The following CELF4 variants were observed in gnomAD, a reference collection of about 807,000 sequenced individuals.
CELF4 encodes the protein CUG-BP- and ETR-3-like factor 4.
Under a neutral mutation model 59.9 loss-of-function variants are expected in CELF4, and 18 were observed. The observed-to-expected ratio is 0.30, with a 90% CI of 0.21 to 0.45. The LOEUF is 0.45. CELF4 is among the 20% of genes least tolerant of loss of function. The probability of loss-of-function intolerance (pLI) is 1.00; values close to 1 mark genes in which losing one functional copy is unlikely to be tolerated. For missense variants in CELF4, 456 were observed against 689.0 expected (o/e 0.66, Z 3.79); for synonymous variants, 261 against 267.1 (o/e 0.98, Z 0.22).
chr18:37,560,277 T>C (rs2099986151), intron 1 of CELF4, among the ~76,000 whole-genome samples: 2 of 152,230 alleles, frequency 1.3e-5, no homozygotes, highest in Non-Finnish European at 2.9e-5. Context: ...AATTTATCTC[T>C]GTGTTTGTTG....
intron 2 of CELF4, among the ~76,000 whole-genome samples, chr18:37,343,478 A>G (rs1377788937): frequency 6.6e-6 from 1 of 151,926 alleles, no homozygotes; most frequent in East Asian, 1.9e-4. Context: ...CAGCCACCAG[A>G]TGGCAGCCGG....
At chr18:37,259,029 A>G in intron 11 of CELF4, 152 bp downstream of exon 11, 2 of 1,175,444 alleles carry the variant, frequency 1.7e-6, no homozygotes, top group Admixed American at 4.1e-5. Context: ...GGCAATGTGA[A>G]GGAGCAGGTT....
chr18:37,464,469 G>T (rs1322792834), intron 2 of CELF4, among the ~76,000 whole-genome samples: 1 of 152,206 alleles, frequency 6.6e-6, no homozygotes, highest in Non-Finnish European at 1.5e-5. Context: ...CCCCTGGCTG[G>T]GGCTGCATGG....
chr18:37,266,362 G>A lies in CELF4; in HGVS notation c.1165+171C>T, dbSNP rs1024210532. 4.5e-4 allele frequency: 310 copies of A among 690,186 alleles called. No homozygotes were observed. The East Asian group carries it at 7.4e-3, about 17-fold the overall frequency. The allele number at this position is 690,186 out of a possible 1,614,324, so 42.8% of individuals were successfully genotyped here. ...ACTGCAGGGGCACTCTCGGTGGCCCGCTGACAAGAAGGCAGCCTGGAGGGT... is the reference window on the plus strand; with the variant it reads ...ACTGCAGGGGCACTCTCGGTGGCCCACTGACAAGAAGGCAGCCTGGAGGGT... On this transcript the variant is annotated intron_variant, in intron 9 of 12. Coordinates refer to ENST00000420428, the MANE Select transcript of CELF4 (RefSeq NM_020180.4).
chr18:37,509,080 G>A (rs1336671792), intron 1 of CELF4, among the ~76,000 whole-genome samples: 1 of 152,092 alleles, frequency 6.6e-6, no homozygotes, highest in African/African-American at 2.4e-5. Context: ...GGGCTCAAGG[G>A]TTCAGCCATC....
chr18:37,362,975 GTC>G (rs939790557), intron 2 of CELF4, among the ~76,000 whole-genome samples: 3 of 152,160 alleles, frequency 2.0e-5, no homozygotes, highest in African/African-American at 7.2e-5. Context: ...ACACAGTAGG[GTC>G]TCTCTAGATT....
At chr18:37,311,507 A>G (rs1483792902) in intron 3 of CELF4, among the ~76,000 whole-genome samples, 1 of 152,200 alleles carries the variant, frequency 6.6e-6, no homozygotes, top group Non-Finnish European at 1.5e-5. Flanking sequence ...TTAAGTCAGA[A>G]GGGCTGGCCT....
intron 1 of CELF4, among the ~76,000 whole-genome samples, chr18:37,497,373 G>T (rs1277969878): frequency 1.3e-5 from 2 of 152,218 alleles, no homozygotes; most frequent in African/African-American, 4.8e-5. Context: ...GACAATTGGT[G>T]CTGGGTGTAG....
chr18:37,420,959 A>G (rs1174082617), intron 2 of CELF4, among the ~76,000 whole-genome samples: 1 of 152,202 alleles, frequency 6.6e-6, no homozygotes, highest in Non-Finnish European at 1.5e-5. Context: ...TTCAGGTAAG[A>G]ACTTGGCTTG....
intron 2 of CELF4, among the ~76,000 whole-genome samples, chr18:37,420,515 T>G (rs907643428): frequency 6.6e-6 from 1 of 152,046 alleles, no homozygotes; most frequent in African/African-American, 2.4e-5. Flanking sequence ...AGCCAACGTG[T>G]GGGGGTGGGA....
At chr18:37,533,457 C>T (rs2099971107) in intron 1 of CELF4, among the ~76,000 whole-genome samples, 1 of 152,164 alleles carries the variant, frequency 6.6e-6, no homozygotes, top group South Asian at 2.1e-4. Context: ...GGGGGCCCTT[C>T]TGATTCAGAG....
At chr18:37,450,027 C>T (rs2099758742) in intron 2 of CELF4, among the ~76,000 whole-genome samples, 1 of 152,142 alleles carries the variant, frequency 6.6e-6, no homozygotes. Flanking sequence ...ACAGGGTTTT[C>T]CCAGAGCCCA....
chr18:37,514,427 C>T (rs1290872150), intron 1 of CELF4, among the ~76,000 whole-genome samples: 8 of 152,188 alleles, frequency 5.3e-5, no homozygotes, highest in Admixed American at 1.3e-4. Context: ...TTATTGAACA[C>T]TTATTGCATG....
intron 2 of CELF4, among the ~76,000 whole-genome samples, chr18:37,448,702 T>A (rs1291823036): frequency 6.6e-6 from 1 of 152,216 alleles, no homozygotes; most frequent in East Asian, 1.9e-4. Flanking sequence ...CCCCACTGCC[T>A]GCATGGGTCT....
At chr18:37,365,782 G>C (rs563049484) in intron 2 of CELF4, among the ~76,000 whole-genome samples, 3 of 152,080 alleles carry the variant, frequency 2.0e-5, no homozygotes, top group Admixed American at 1.3e-4. Flanking sequence ...CACCGCACCC[G>C]GCCTGGGATG....
At chr18:37,328,799 A>G (rs2154529583) in intron 2 of CELF4, among the ~76,000 whole-genome samples, 1 of 152,312 alleles carries the variant, frequency 6.6e-6, no homozygotes, top group East Asian at 1.9e-4. Context: ...TCATGGAAAC[A>G]GTGAATCAGC....
intron 2 of CELF4, among the ~76,000 whole-genome samples, chr18:37,327,752 C>T (rs977610261): frequency 8.5e-5 from 13 of 152,188 alleles, no homozygotes; most frequent in Admixed American, 8.5e-4. Flanking sequence ...ATCATGGGCC[C>T]TCCTCAGAGC....
chr18:37,351,029 T>C (rs1275528474), intron 2 of CELF4, among the ~76,000 whole-genome samples: 1 of 152,192 alleles, frequency 6.6e-6, no homozygotes, highest in Non-Finnish European at 1.5e-5. Context: ...CCTCCCCCCT[T>C]CTTTCAGGGT....
At chr18:37,431,362 C>CTTTTTTTTTTTTTTTTTTTTT (rs35971960) in intron 2 of CELF4, among the ~76,000 whole-genome samples, 2 of 81,566 alleles carry the variant, frequency 2.5e-5, no homozygotes, top group Non-Finnish European at 4.7e-5. Context: ...CCTTTCTTTC[C>CTTTTTTTTTTTTTTTTTTTTT]TTTTTTTTTT....
Sources: gnomAD v4.1 joint callset for allele counts (sites outside exome capture counted in the v4.1 genomes callset) on GRCh38, gnomAD v4.1.1 for gene constraint, MANE v1.5 for transcripts, NCBI Gene and HGNC (gene_info 2026-07-23, HGNC 2026-07-21) for gene names.